The following KCNT1 variants were observed in gnomAD, a reference collection of about 807,000 sequenced individuals.
KCNT1 encodes potassium channel subfamily T member 1.
KCNT1 carries 78 observed loss-of-function variants against 147.8 expected under a neutral mutation model. The observed-to-expected ratio is 0.53, with a 90% CI of 0.44 to 0.64. The LOEUF (loss-of-function observed/expected upper bound fraction) is 0.64. Ranked by LOEUF, KCNT1 falls within the 30% of genes least tolerant of loss-of-function variation. The pLI is 0.00. For synonymous variants in KCNT1, 867 were observed against 748.8 expected (o/e 1.16, Z -2.58); for missense variants, 1,419 against 1,750.3 (o/e 0.81, Z 3.38).
At chr9:135,760,006 G>T (rs569925687) in intron 11 of KCNT1, 147 bp downstream of exon 11, 10 of 702,370 alleles carry the variant, frequency 1.4e-5, no homozygotes, top group South Asian at 2.1e-5. Context: ...TGCCTGCTCC[G>T]TTGCACGCCC....
At chr9:135,773,837 T>G (rs1430139225) in intron 19 of KCNT1, among the ~76,000 whole-genome samples, 1 of 152,228 alleles carries the variant, frequency 6.6e-6, no homozygotes, top group African/African-American at 2.4e-5. Context: ...ACAGCCTGGC[T>G]GGACAAGTAT....
intron 13 of KCNT1, among the ~76,000 whole-genome samples, chr9:135,767,108 T>C (rs1434458774): frequency 6.6e-6 from 1 of 152,174 alleles, no homozygotes; most frequent in Non-Finnish European, 1.5e-5. Flanking sequence ...GTGTCCTTAG[T>C]GGCATAGTGT....
chr9:135,769,992 T>C lies in KCNT1; in HGVS notation c.1556T>C (p.Leu519Pro). Residue 519 changes from leucine (L) to proline (P), a missense_variant, in exon 16 of 31, where the codon CTG becomes CCG. Around this residue, in one of 5 missense-constraint regions of KCNT1, gnomAD observed 401 missense variants for 610.6 expected, o/e 0.66. Coordinates refer to ENST00000371757, the MANE Select transcript of KCNT1 (RefSeq NM_020822.3). The part of the protein sequence containing the change: ...EEECKYAMLA[L>P]NCICPATSTL... Reference sequence around the variant, plus strand: ...GAGTGCAAGTACGCCATGCTGGCGCTGAACTGCATCTGCCCGGCGACCTCC... The same window carrying C: ...GAGTGCAAGTACGCCATGCTGGCGCCGAACTGCATCTGCCCGGCGACCTCC... 1 of 1,557,658 alleles carries C rather than the reference T, an allele frequency of 6.4e-7. No individual in the cohort carries two copies. Among genetic ancestry groups the C allele is most frequent in the East Asian group, 2.4e-5 (1 of 41,464 alleles).
intron 3 of KCNT1, chr9:135,750,411 G>A: frequency 3.5e-6 from 2 of 576,388 alleles, no homozygotes; most frequent in Non-Finnish European, 6.3e-6. Flanking sequence ...GGCCTCTGCA[G>A]CGGGACTCGT....
chr9:135,755,216 A>G (rs1831405851), intron 6 of KCNT1, 47 bp downstream of exon 6: 1 of 1,550,832 alleles, frequency 6.4e-7, no homozygotes, highest in African/African-American at 1.4e-5. Flanking sequence ...GGTGCTCAGT[A>G]AGCACTGAGG....
At chr9:135,767,957 C>G (rs1336646987) in intron 13 of KCNT1, among the ~76,000 whole-genome samples, 1 of 150,810 alleles carries the variant, frequency 6.6e-6, no homozygotes, top group Non-Finnish European at 1.5e-5. Flanking sequence ...GCATCTGACC[C>G]CCTGCCCCCA....
intron 24 of KCNT1, 91 bp from the exon 25 acceptor site, chr9:135,783,933 C>A: frequency 1.1e-6 from 1 of 875,026 alleles, no homozygotes; most frequent in South Asian, 1.4e-5. Flanking sequence ...CACACATGTA[C>A]GGTGCACACA....
chr9:135,706,417 G>T (rs1835256570), intron 1 of KCNT1, among the ~76,000 whole-genome samples: 1 of 152,260 alleles, frequency 6.6e-6, no homozygotes, highest in Non-Finnish European at 1.5e-5. Context: ...GCCCCCAGGG[G>T]TGAGAATGGC....
intron 21 of KCNT1, among the ~76,000 whole-genome samples, chr9:135,777,734 CCCACCCCCAGCTCCTCT>C (rs919959621): frequency 9.4e-5 from 14 of 149,116 alleles, no homozygotes; most frequent in African/African-American, 3.6e-4. Flanking sequence ...CCAGCTCCTC[CCCACCCCCAGCTCCTCT>C]GGCTCCTGGG....
At chr9:135,708,877 A>G (rs1835361650) in intron 1 of KCNT1, among the ~76,000 whole-genome samples, 1 of 152,332 alleles carries the variant, frequency 6.6e-6, no homozygotes, top group East Asian at 1.9e-4. Flanking sequence ...TTTGCGGGAA[A>G]GGACATTTTA....
chr9:135,730,032 C>A lies in KCNT1; in HGVS notation c.254+15312C>A, dbSNP rs1472540298. On this transcript the variant is annotated intron_variant, in intron 2 of 30. Transcript: ENST00000371757. The surrounding 1 kb of genome is among the most constrained non-coding windows in gnomAD (Gnocchi z 4.7). ...CCTGGGAGGTGCAGGCTGCCTTTTT[C>A]TCTTCCTCCCTCCATCAGCGTTACC... Among the ~76,000 whole-genome samples the A allele has an allele frequency of 1.3e-5, 2 of 152,212 alleles. No individual in the cohort carries two copies. Among genetic ancestry groups the A allele is most frequent in the African/African-American group, 2.4e-5 (1 of 41,448 alleles).
intron 1 of KCNT1, among the ~76,000 whole-genome samples, chr9:135,708,487 T>G (rs1248097613): frequency 6.6e-6 from 1 of 152,208 alleles, no homozygotes; most frequent in Non-Finnish European, 1.5e-5. Context: ...TTGAACTGAG[T>G]GTGAACAAGA....
chr9:135,733,931 C>T (rs989318546), intron 2 of KCNT1, among the ~76,000 whole-genome samples: 3 of 150,214 alleles, frequency 2.0e-5, no homozygotes, highest in Admixed American at 6.6e-5. Flanking sequence ...CCTGTTCCCT[C>T]CCCCCAGCCT....
At chr9:135,748,819 C>T (rs938338141) in intron 2 of KCNT1, among the ~76,000 whole-genome samples, 4 of 152,370 alleles carry the variant, frequency 2.6e-5, no homozygotes, top group South Asian at 2.1e-4. Flanking sequence ...GTTCTGCCCC[C>T]ACACCATCCC....
intron 19 of KCNT1, among the ~76,000 whole-genome samples, chr9:135,775,012 C>T (rs1285521345): frequency 6.6e-6 from 1 of 152,164 alleles, no homozygotes; most frequent in Non-Finnish European, 1.5e-5. Flanking sequence ...TAAGGTTCGG[C>T]ACCTGCATGG....
rs910445246 is a variant in KCNT1, at chr9:135,770,797, C to T, written c.1770-60C>T. The T allele has an allele frequency of 6.3e-6, 9 of 1,424,900 alleles. No individual in the cohort carries two copies. The Admixed American group carries it at 1.8e-4, about 29-fold the overall frequency. 88.3% of individuals were successfully genotyped at this position (1,424,900 alleles called of 1,614,324 possible). ...TCTGGTGATTTGCAGGAAGGGCAGG[C>T]AGGGAGCGGGACAGGGCGGGTGAGC... On this transcript the variant is annotated intron_variant, in intron 17 of 30. Transcript: ENST00000371757.
intron 2 of KCNT1, among the ~76,000 whole-genome samples, chr9:135,719,030 G>T (rs961516388): frequency 6.6e-6 from 1 of 152,192 alleles, no homozygotes; most frequent in African/African-American, 2.4e-5. Context: ...ATGGTGTCTC[G>T]GGTGCTCCCA....
At chr9:135,774,743 C>T (rs751615560) in intron 19 of KCNT1, among the ~76,000 whole-genome samples, 1 of 152,040 alleles carries the variant, frequency 6.6e-6, no homozygotes, top group East Asian at 1.9e-4. Context: ...TGTGTGTGTC[C>T]GGGTGTGTCC....
intron 2 of KCNT1, among the ~76,000 whole-genome samples, chr9:135,745,497 T>C (rs1043590846): frequency 2.0e-5 from 3 of 152,228 alleles, no homozygotes; most frequent in African/African-American, 7.2e-5. Context: ...CTGCGCTGTC[T>C]CTTTTGGCTG....
Sources: allele counts gnomAD v4.1 joint callset (sites outside exome capture counted in the v4.1 genomes callset), GRCh38; gene constraint gnomAD v4.1.1; regional missense constraint gnomAD v4.1.1; non-coding constraint Gnocchi (gnomAD v3.1); transcripts MANE v1.5; gene names NCBI Gene and HGNC (gene_info 2026-07-23, HGNC 2026-07-21).